Variants in SESTD1 observed in about 807,000 individuals in gnomAD.
SESTD1 encodes SEC14 and spectrin domain containing 1.
SESTD1 carries 43 observed loss-of-function variants against 101.7 expected under a neutral mutation model. The observed-to-expected ratio is 0.42, with a 90% confidence interval of 0.33 to 0.55. The LOEUF is 0.55. Among genes scored for constraint, SESTD1 ranks in the 20% least tolerant of loss-of-function variants. The pLI is 0.07. For missense variants in SESTD1, 647 were observed against 815.1 expected (o/e 0.79, Z 2.51); for synonymous variants, 283 against 286.8 (o/e 0.99, Z 0.13).
intron 5 of SESTD1, among the ~76,000 whole-genome samples, chr2:179,161,323 T>C (rs1174871743): frequency 2.6e-5 from 4 of 152,214 alleles, no homozygotes; most frequent in African/African-American, 9.7e-5. Context: ...GAAACAGTTA[T>C]GTAAAATACA....
chr2:179,220,701 C>T (rs1490848408), intron 1 of SESTD1, among the ~76,000 whole-genome samples: 14 of 152,172 alleles, frequency 9.2e-5, no homozygotes, highest in African/African-American at 3.1e-4. Context: ...AATAACTTCA[C>T]AAATTCCAGC....
chr2:179,150,949 T>C (rs2045513329), intron 6 of SESTD1, among the ~76,000 whole-genome samples: 2 of 152,248 alleles, frequency 1.3e-5, no homozygotes, highest in Admixed American at 6.5e-5. Flanking sequence ...TCTGGTGCTG[T>C]TCTAAATGCT....
intron 10 of SESTD1, among the ~76,000 whole-genome samples, chr2:179,125,024 C>G (rs553751023): frequency 2.0e-5 from 3 of 152,296 alleles, no homozygotes; most frequent in Middle Eastern, 3.4e-3. Flanking sequence ...GCCTTCCTCT[C>G]AGCATCAGCC....
chr2:179,258,431 T>G (rs1206262416), intron 1 of SESTD1, among the ~76,000 whole-genome samples: 1 of 152,162 alleles, frequency 6.6e-6, no homozygotes, highest in African/African-American at 2.4e-5. Context: ...AAAATGAAAC[T>G]CATAAGCAAA....
intron 1 of SESTD1, among the ~76,000 whole-genome samples, chr2:179,199,436 T>A (rs1311639638): frequency 1.3e-5 from 2 of 152,034 alleles, no homozygotes; most frequent in African/African-American, 2.4e-5. Context: ...AAAGAGGGAA[T>A]CCTCCCTAAC....
intron 5 of SESTD1, among the ~76,000 whole-genome samples, chr2:179,159,099 A>G (rs1325920197): frequency 2.0e-5 from 3 of 152,228 alleles, no homozygotes; most frequent in Non-Finnish European, 4.4e-5. Context: ...AAGACATTTA[A>G]GAGTGTGCAA....
chr2:179,251,005 T>C (rs949248400), intron 1 of SESTD1, among the ~76,000 whole-genome samples: 5 of 151,950 alleles, frequency 3.3e-5, no homozygotes, highest in East Asian at 1.9e-4. Context: ...CTCCTAAGAG[T>C]CAAAAGCTAG....
At chr2:179,241,369 G>A (rs1021805773) in intron 1 of SESTD1, among the ~76,000 whole-genome samples, 20 of 151,904 alleles carry the variant, frequency 1.3e-4, no homozygotes, top group African/African-American at 3.9e-4. Flanking sequence ...TGAATGAAGC[G>A]GAAAGAGGAG....
Position 179,209,764 on chromosome 2 carries a change from A to G in SESTD1, c.-25-17898T>C, listed in dbSNP as rs1463529324. The stretch of plus-strand genomic sequence containing the variant: ...AATGCCTATTACATCAAAAAGTCGG[A>G]AAGTGCACAAATTGACAATCTAAGT... On this transcript the variant is annotated intron_variant, in intron 1 of 17. Coordinates refer to ENST00000428443, the MANE Select transcript of SESTD1 (RefSeq NM_178123.5). Among the ~76,000 whole-genome samples, 2 of 134,174 alleles carry G rather than the reference A, an allele frequency of 1.5e-5. 1 individual carries two copies. Among genetic ancestry groups the G allele is most frequent in the Non-Finnish European group, 3.2e-5 (2 of 62,542 alleles). The allele number at this position is 134,174 out of a possible 152,430, so 88.0% of individuals were successfully genotyped here. A position where few individuals can be genotyped will look rare whatever the true frequency, so the allele number is the denominator to read the frequency against.
At chr2:179,199,115 A>C (rs1286420540) in intron 1 of SESTD1, among the ~76,000 whole-genome samples, 1 of 152,158 alleles carries the variant, frequency 6.6e-6, no homozygotes, top group African/African-American at 2.4e-5. Context: ...AAAAATGATA[A>C]AGGGGAAATC....
intron 5 of SESTD1, among the ~76,000 whole-genome samples, chr2:179,163,620 C>CTTTTGCT (rs2045782439): frequency 6.6e-6 from 1 of 150,628 alleles, no homozygotes. Flanking sequence ...GCATTTCAAA[C>CTTTTGCT]TTTTGCTAAG....
intron 1 of SESTD1, among the ~76,000 whole-genome samples, chr2:179,233,644 G>A (rs2047017295): frequency 6.6e-6 from 1 of 152,182 alleles, no homozygotes; most frequent in Non-Finnish European, 1.5e-5. Flanking sequence ...AGTAGAGACA[G>A]GGTTTCACCA....
At chr2:179,135,240 G>C (rs191047547) in intron 9 of SESTD1, among the ~76,000 whole-genome samples, 1 of 151,178 alleles carries the variant, frequency 6.6e-6, no homozygotes, top group Middle Eastern at 3.2e-3. Context: ...ACCGCCCCCC[G>C]GCCCAAACTG....
chr2:179,233,692 A>T (rs1574055424), intron 1 of SESTD1, among the ~76,000 whole-genome samples: 1 of 151,944 alleles, frequency 6.6e-6, no homozygotes, highest in Admixed American at 6.6e-5. Context: ...GACCTCAACT[A>T]CTCCACCTGC....
At chr2:179,152,503 A>C (rs28727305) in intron 5 of SESTD1, among the ~76,000 whole-genome samples, 2 of 152,246 alleles carry the variant, frequency 1.3e-5, no homozygotes, top group African/African-American at 4.8e-5. Context: ...CTTTAAAAAA[A>C]TTTAAAAAAC....
Position 179,140,622 on chromosome 2 carries a change from C to T in SESTD1, c.849+2970G>A, listed in dbSNP as rs1325753993. 2.0e-5 allele frequency among the ~76,000 whole-genome samples: 3 copies of T among 152,266 alleles called. No homozygotes were observed. The East Asian group carries it at 5.8e-4, about 29-fold the overall frequency. ...ACAACCCCTCTTCCACCACTTATAG[C>T]CATTACTCTATTTCTCATCTTTCCT... On this transcript the variant is annotated intron_variant, in intron 9 of 17. Transcript: ENST00000428443.
At chr2:179,161,985 C>T (rs1046718806) in intron 5 of SESTD1, among the ~76,000 whole-genome samples, 3 of 152,016 alleles carry the variant, frequency 2.0e-5, no homozygotes, top group African/African-American at 2.4e-5. Context: ...TTTTATGAAA[C>T]GAGTACAATT....
chr2:179,117,116 T>A (rs999457290), intron 14 of SESTD1, among the ~76,000 whole-genome samples: 1 of 152,198 alleles, frequency 6.6e-6, no homozygotes, highest in African/African-American at 2.4e-5. Context: ...AAATCAAAAA[T>A]TTTATCTATA....
At chr2:179,162,707 G>A (rs2045759017) in intron 5 of SESTD1, among the ~76,000 whole-genome samples, 1 of 151,862 alleles carries the variant, frequency 6.6e-6, no homozygotes, top group South Asian at 2.1e-4. Flanking sequence ...AGGCAAATAG[G>A]CTGGGCACGG....
Sources: gnomAD v4.1 joint callset for allele counts (sites outside exome capture counted in the v4.1 genomes callset) on GRCh38, gnomAD v4.1.1 for gene constraint, MANE v1.5 for transcripts, NCBI Gene and HGNC (gene_info 2026-07-23, HGNC 2026-07-21) for gene names.